The following ARB2A variants were observed in gnomAD, a reference collection of about 807,000 sequenced individuals.
The protein encoded by ARB2A is ARB2 cotranscriptional regulator A.
chr5:93,916,745 T>C, the ARB2A span, among the ~76,000 whole-genome samples: 1 of 152,082 alleles, frequency 6.6e-6, no homozygotes, highest in African/African-American at 2.4e-5. Context: ...AGAGGAAACA[T>C]TCCATACAAT....
At chr5:93,741,741 GT>G in the ARB2A span, 2 of 671,078 alleles carry the variant, frequency 3.0e-6, no homozygotes, top group African/African-American at 3.6e-5. Context: ...GGGTCCTAGG[GT>G]TAAGGGAGTG....
chr5:93,693,729 C>T, the ARB2A span, among the ~76,000 whole-genome samples: 7 of 151,872 alleles, frequency 4.6e-5, no homozygotes, highest in African/African-American at 1.7e-4. Context: ...CATCCTGAGA[C>T]ACAACACAGA....
the ARB2A span, among the ~76,000 whole-genome samples, chr5:94,099,727 T>C: frequency 1.3e-5 from 2 of 151,962 alleles, no homozygotes; most frequent in African/African-American, 4.8e-5. Flanking sequence ...GAATAGGCTT[T>C]TGATAAAATT....
the ARB2A span, chr5:93,740,746 G>A: frequency 6.2e-7 from 1 of 1,612,652 alleles, no homozygotes; most frequent in Non-Finnish European, 8.5e-7. Flanking sequence ...CTCCCGTGGG[G>A]AAGCATCATT....
the ARB2A span, among the ~76,000 whole-genome samples, chr5:93,700,212 C>A: frequency 1.3e-5 from 2 of 152,090 alleles, no homozygotes; most frequent in Non-Finnish European, 2.9e-5. Context: ...TGAATTTTTA[C>A]ACTACTTACA....
At chr5:93,829,793 T>C in the ARB2A span, among the ~76,000 whole-genome samples, 1 of 152,202 alleles carries the variant, frequency 6.6e-6, no homozygotes, top group African/African-American at 2.4e-5. Context: ...TAATTTATCT[T>C]TCATTAGTTT....
At chr5:93,860,623 T>C in the ARB2A span, 1 of 151,558 alleles carries the variant, frequency 6.6e-6, no homozygotes, top group Non-Finnish European at 1.5e-5. Flanking sequence ...GTCAATTTTC[T>C]ATGGTAGTGG....
At chr5:94,050,785 G>A in the ARB2A span, 1 of 1,612,846 alleles carries the variant, frequency 6.2e-7, no homozygotes, top group South Asian at 1.1e-5. Flanking sequence ...CTTCCCGGTA[G>A]TTAAAAACAA....
At chr5:93,729,014 A>T in the ARB2A span, among the ~76,000 whole-genome samples, 5 of 152,034 alleles carry the variant, frequency 3.3e-5, no homozygotes, top group Non-Finnish European at 7.4e-5. Flanking sequence ...TTAACTCTTT[A>T]TTGCAGTAAC....
chr5:93,806,255 T>G, the ARB2A span, among the ~76,000 whole-genome samples: 1 of 151,976 alleles, frequency 6.6e-6, no homozygotes, highest in Non-Finnish European at 1.5e-5. Context: ...TCCATCTTAA[T>G]ACTTTTATAT....
chr5:94,009,307 C>A, the ARB2A span, among the ~76,000 whole-genome samples: 1 of 151,926 alleles, frequency 6.6e-6, no homozygotes, highest in African/African-American at 2.4e-5. Context: ...AAAGAACAGC[C>A]CCCACCTGCT....
chr5:94,108,854 G>A, the ARB2A span, among the ~76,000 whole-genome samples: 4 of 151,694 alleles, frequency 2.6e-5, no homozygotes, highest in Non-Finnish European at 5.9e-5. Context: ...TCAATTCCTC[G>A]AAAAAAAGTA....
chr5:93,764,397 A>G, the ARB2A span, among the ~76,000 whole-genome samples: 73 of 152,294 alleles, frequency 4.8e-4, no homozygotes, highest in African/African-American at 1.5e-3. Flanking sequence ...AATACAAACT[A>G]CCATCAGAGA....
At chr5:93,999,019 C>A in the ARB2A span, among the ~76,000 whole-genome samples, 1 of 152,008 alleles carries the variant, frequency 6.6e-6, no homozygotes, top group East Asian at 1.9e-4. Flanking sequence ...AAGCATTATT[C>A]ATATTATTTC....
the ARB2A span, among the ~76,000 whole-genome samples, chr5:93,744,434 C>CAAAAAAAAAAA: frequency 0.014 from 202 of 14,536 alleles, 51 homozygotes; most frequent in African/African-American, 0.04. Flanking sequence ...GACTCAGTCT[C>CAAAAAAAAAAA]AAAAAAAAAA....
At chr5:93,862,826 A>G in the ARB2A span, 22 of 152,322 alleles carry the variant, frequency 1.4e-4, no homozygotes, top group Admixed American at 9.8e-4. Context: ...CTTCTTTATA[A>G]TGTTCAACCT....
the ARB2A span, among the ~76,000 whole-genome samples, chr5:93,822,375 C>A: frequency 6.6e-6 from 1 of 152,146 alleles, no homozygotes; most frequent in African/African-American, 2.4e-5. Context: ...TTAACTCTGG[C>A]ATCTTCAGTT....
the ARB2A span, among the ~76,000 whole-genome samples, chr5:93,703,442 G>A: frequency 6.6e-6 from 1 of 152,202 alleles, no homozygotes; most frequent in Non-Finnish European, 1.5e-5. Context: ...AAAGTGAATG[G>A]CACAAAGCAG....
the ARB2A span, among the ~76,000 whole-genome samples, chr5:93,962,291 T>C: frequency 6.6e-6 from 1 of 152,180 alleles, no homozygotes; most frequent in Non-Finnish European, 1.5e-5. Context: ...ACATGATGCA[T>C]GTAATAAACT....
Sources: gnomAD v4.1 joint callset for allele counts (sites outside exome capture counted in the v4.1 genomes callset) on GRCh38, gnomAD v4.1.1 for gene constraint, MANE v1.5 for transcripts, NCBI Gene and HGNC (gene_info 2026-07-23, HGNC 2026-07-21) for gene names.